TENM3: variants seen among roughly 807,000 people sequenced by gnomAD.
The protein encoded by TENM3 is teneurin-3.
A neutral mutation model predicts 255.1 loss-of-function variants in TENM3; 63 were observed. That is an observed-to-expected ratio of 0.25 (90% CI 0.20 to 0.30). The LOEUF is 0.30. Among genes scored for constraint, TENM3 ranks in the 10% least tolerant of loss-of-function variants. The probability of loss-of-function intolerance (pLI) is 1.00; values close to 1 mark genes in which losing one functional copy is unlikely to be tolerated. For missense variants in TENM3, 2,929 were observed against 3,461.1 expected (o/e 0.85, Z 3.86); for synonymous variants, 1,306 against 1,322.3 (o/e 0.99, Z 0.27).
At chr4:182,267,295 AGTT>A (rs1185318249) in intron 1 of TENM3, among the ~76,000 whole-genome samples, 1 of 152,216 alleles carries the variant, frequency 6.6e-6, no homozygotes, top group African/African-American at 2.4e-5. Context: ...TTTAGGAACT[AGTT>A]GTCAGTATTC....
intron 4 of TENM3, among the ~76,000 whole-genome samples, chr4:182,625,490 C>T (rs1048829319): frequency 6.6e-6 from 1 of 152,176 alleles, no homozygotes; most frequent in African/African-American, 2.4e-5. Context: ...CTCCCCACCC[C>T]CCTATTCCTG....
intron 3 of TENM3, among the ~76,000 whole-genome samples, chr4:182,567,623 C>T (rs948247080): frequency 3.3e-5 from 5 of 152,030 alleles, no homozygotes; most frequent in Non-Finnish European, 7.4e-5. Flanking sequence ...GAATACTCTT[C>T]GGGCAGACTT....
chr4:182,047,715 C>T, the TENM3 span, among the ~76,000 whole-genome samples: 23 of 152,174 alleles, frequency 1.5e-4, no homozygotes, highest in Non-Finnish European at 5.9e-5. Flanking sequence ...TCAGAATTCT[C>T]TGACCTTGGC....
the TENM3 span, among the ~76,000 whole-genome samples, chr4:181,711,596 G>A: frequency 2.0e-5 from 3 of 152,208 alleles, no homozygotes; most frequent in Non-Finnish European, 4.4e-5. Flanking sequence ...TAAAGTCAAT[G>A]AATGAATGGA....
chr4:181,712,534 C>T, the TENM3 span, among the ~76,000 whole-genome samples: 1 of 152,080 alleles, frequency 6.6e-6, no homozygotes, highest in Admixed American at 6.6e-5. Context: ...GAACAGTGAG[C>T]CAATTAAACC....
At position 182,280,191 on chromosome 4, in the gene TENM3, C is replaced by T. The variant is rs533669957; in HGVS notation, c.-76+36715C>T. On this transcript the variant is annotated intron_variant, in intron 1 of 27. Transcript: ENST00000511685. ...CAGTTGGAGACTTCTTTTGGCCGCT[C>T]GACTTTAGTGAGGCCCCTGCTTTAG... is the stretch of plus-strand genomic sequence containing the variant. Among the ~76,000 whole-genome samples the T allele has an allele frequency of 7.9e-5, 12 of 152,320 alleles. No individual in the cohort carries two copies. The East Asian group carries it at 1.7e-3, about 22-fold the overall frequency.
Position 182,736,876 on chromosome 4 carries a change from A to G in TENM3, c.3036A>G (p.Ala1012=). The G allele has an allele frequency of 6.2e-7, 1 of 1,613,724 alleles. No homozygotes were observed. The highest frequency in any genetic ancestry group is 1.1e-5 in the South Asian group (1 of 91,072). The change falls in exon 17 of 28, where the codon GCA becomes GCG. Residue 1012 remains alanine, a synonymous_variant. Transcript: ENST00000511685. ...LKLSYLSSRA[A]GYKSVLKITM... is the part of the protein sequence containing the mutation. Reference sequence around the variant, plus strand: ...TCTCCTACTTGAGTTCCAGAGCTGCAGGGTATAAGTCAGTTCTCAAGATCA... The same window carrying G: ...TCTCCTACTTGAGTTCCAGAGCTGCGGGGTATAAGTCAGTTCTCAAGATCA...
chr4:182,373,938 G>A (rs34644523), intron 3 of TENM3, among the ~76,000 whole-genome samples: 27,223 of 151,896 alleles, frequency 0.18, 2,661 homozygotes, highest in African/African-American at 0.2. Context: ...TCTTTACCTC[G>A]TTTCTTATTT....
At chr4:182,738,046 G>A (rs1186065220) in intron 17 of TENM3, among the ~76,000 whole-genome samples, 1 of 151,984 alleles carries the variant, frequency 6.6e-6, no homozygotes, top group Non-Finnish European at 1.5e-5. Flanking sequence ...TATTCAGATG[G>A]CAAACGTTAT....
intron 7 of TENM3, among the ~76,000 whole-genome samples, chr4:182,678,246 A>G (rs187093979): frequency 7.9e-5 from 12 of 152,270 alleles, no homozygotes; most frequent in Admixed American, 5.9e-4. Context: ...TTACCCCACT[A>G]TATTAACAAT....
intron 19 of TENM3, among the ~76,000 whole-genome samples, chr4:182,745,752 GC>G (rs1413234138): frequency 6.6e-6 from 1 of 150,978 alleles, no homozygotes; most frequent in African/African-American, 2.4e-5. Flanking sequence ...CCCTGGGTAT[GC>G]AAAAAGCAAG....
At chr4:182,388,388 A>T (rs1356466842) in intron 3 of TENM3, among the ~76,000 whole-genome samples, 1 of 152,094 alleles carries the variant, frequency 6.6e-6, no homozygotes, top group Admixed American at 6.5e-5. Flanking sequence ...ATGTACACCC[A>T]CTTCTTCAAC....
At chr4:181,930,360 A>G in the TENM3 span, among the ~76,000 whole-genome samples, 3 of 152,202 alleles carry the variant, frequency 2.0e-5, no homozygotes. Flanking sequence ...ACAGAAATAC[A>G]AACTACCATC....
chr4:181,851,685 A>T, the TENM3 span, among the ~76,000 whole-genome samples: 3 of 152,192 alleles, frequency 2.0e-5, no homozygotes, highest in South Asian at 6.2e-4. Flanking sequence ...TCAAAGACAA[A>T]CAATAATTTT....
At chr4:181,846,794 G>A in the TENM3 span, among the ~76,000 whole-genome samples, 4 of 152,198 alleles carry the variant, frequency 2.6e-5, no homozygotes, top group East Asian at 1.9e-4. Flanking sequence ...GCCCTAAATC[G>A]TGCATTTGGA....
the TENM3 span, among the ~76,000 whole-genome samples, chr4:181,690,352 A>G: frequency 6.6e-6 from 1 of 152,154 alleles, no homozygotes; most frequent in Non-Finnish European, 1.5e-5. Context: ...ATCGCTTTGT[A>G]AAAAAGCTCT....
At chr4:182,682,998 CA>C (rs1756291972) in intron 11 of TENM3, among the ~76,000 whole-genome samples, 1 of 152,078 alleles carries the variant, frequency 6.6e-6, no homozygotes, top group Admixed American at 6.5e-5. Context: ...TCAGAGTTTT[CA>C]AGGAGACTTG....
the TENM3 span, among the ~76,000 whole-genome samples, chr4:182,108,743 T>A: frequency 2.6e-5 from 4 of 152,136 alleles, no homozygotes; most frequent in Non-Finnish European, 5.9e-5. Context: ...GTATAACTAC[T>A]CACAAAACTC....
At chr4:181,490,150 ATTTC>A in the TENM3 span, among the ~76,000 whole-genome samples, 2 of 152,142 alleles carry the variant, frequency 1.3e-5, no homozygotes, top group South Asian at 2.1e-4. Flanking sequence ...AGCATTTGTT[ATTTC>A]TTTCTGTTAG....
Sources: allele counts gnomAD v4.1 joint callset (sites outside exome capture counted in the v4.1 genomes callset), GRCh38; gene constraint gnomAD v4.1.1; transcripts MANE v1.5; gene names NCBI Gene and HGNC (gene_info 2026-07-23, HGNC 2026-07-21).